The following RBFOX1 variants were observed in gnomAD, a reference collection of about 807,000 sequenced individuals.
RBFOX1 encodes RNA binding protein fox-1 homolog 1.
Under a neutral mutation model 57.7 loss-of-function variants are expected in RBFOX1, and 8 were observed. The observed-to-expected ratio is 0.14, with a 90% confidence interval of 0.08 to 0.25. The LOEUF (loss-of-function observed/expected upper bound fraction) is 0.25. Ranked by LOEUF, RBFOX1 falls within the 10% of genes least tolerant of loss-of-function variation. The pLI is 1.00. For synonymous variants in RBFOX1, 326 were observed against 222.4 expected, an observed-to-expected ratio of 1.47 and a Z score of -4.15; for missense variants, 611 against 548.5, an observed-to-expected ratio of 1.11 and a Z score of -1.14.
Position 7,229,742 on chromosome 16 carries a change from A to AGGGAGAAAGAGGAAGGAAGGGAGAGAGAG in RBFOX1, c.27+177645_27+177646insGGAGAAAGAGGAAGGAAGGGAGAGAGAGG, listed in dbSNP as rs1371622773. Among the ~76,000 whole-genome samples the AGGGAGAAAGAGGAAGGAAGGGAGAGAGAG allele has an allele frequency of 4.8e-5, 4 of 83,894 alleles. 1 individual carries two copies. Among genetic ancestry groups the AGGGAGAAAGAGGAAGGAAGGGAGAGAGAG allele is most frequent in the African/African-American group, 1.8e-4 (4 of 21,788 alleles). 55.0% of individuals were successfully genotyped at this position (83,894 alleles called of 152,430 possible). A position where few individuals can be genotyped will look rare whatever the true frequency, so the allele number is the denominator to read the frequency against. On this transcript the variant is annotated intron_variant, in intron 4 of 15. Coordinates refer to ENST00000550418, the MANE Select transcript of RBFOX1 (RefSeq NM_018723.4). ...AGAGGAAGCAAGGGAGGGAGGGGGA[A>AGGGAGAAAGAGGAAGGAAGGGAGAGAGAG]GAAGGAAGGGAGAGAGAGGGAGGAA...
At chr16:6,159,354 G>A (rs141324670) in intron 1 of RBFOX1, among the ~76,000 whole-genome samples, 1 of 152,192 alleles carries the variant, frequency 6.6e-6, no homozygotes, top group Non-Finnish European at 1.5e-5. Context: ...TGGGATTACA[G>A]GCGTGAGCCA....
chr16:6,978,578 A>C (rs1041664407), intron 3 of RBFOX1, among the ~76,000 whole-genome samples: 2 of 151,864 alleles, frequency 1.3e-5, no homozygotes, highest in Non-Finnish European at 1.5e-5. Context: ...TCTCCTTTCT[A>C]TATTCTGGGT....
intron 2 of RBFOX1, among the ~76,000 whole-genome samples, chr16:6,499,499 C>G (rs1246700414): frequency 1.3e-5 from 2 of 152,066 alleles, no homozygotes; most frequent in African/African-American, 4.8e-5. Context: ...GTAATAAGCA[C>G]AAGTAAAGCT....
chr16:6,643,383 A>T (rs935486681), intron 2 of RBFOX1, among the ~76,000 whole-genome samples: 7 of 151,432 alleles, frequency 4.6e-5, no homozygotes, highest in African/African-American at 1.2e-4. Flanking sequence ...CATGTATTCA[A>T]GTAAACTGAT....
intron 3 of RBFOX1, among the ~76,000 whole-genome samples, chr16:5,757,554 G>T: frequency 6.6e-6 from 1 of 152,224 alleles, no homozygotes; most frequent in East Asian, 1.9e-4. Flanking sequence ...TAATAGGCCA[G>T]CCTAGAAGAA....
intron 3 of RBFOX1, among the ~76,000 whole-genome samples, chr16:6,825,621 C>T (rs1302266186): frequency 6.6e-6 from 1 of 152,074 alleles, no homozygotes; most frequent in Non-Finnish European, 1.5e-5. Context: ...ACATCCTCTC[C>T]CTGGGAGTGG....
At chr16:6,852,196 C>G (rs1250886024) in intron 3 of RBFOX1, among the ~76,000 whole-genome samples, 2 of 152,112 alleles carry the variant, frequency 1.3e-5, no homozygotes, top group African/African-American at 2.4e-5. Context: ...TTTGATAGGG[C>G]TCTGCTTTCT....
At chr16:5,989,880 A>ACACACACACACACACACACACAC (rs33912010) in intron 4 of RBFOX1, among the ~76,000 whole-genome samples, 1 of 127,206 alleles carries the variant, frequency 7.9e-6, no homozygotes. Context: ...ACACACACAC[A>ACACACACACACACACACACACAC]CCACCCCTGT....
chr16:6,687,675 G>A (rs140476199), intron 3 of RBFOX1, among the ~76,000 whole-genome samples: 1 of 152,272 alleles, frequency 6.6e-6, no homozygotes, highest in Non-Finnish European at 1.5e-5. Flanking sequence ...TCATCTAGCT[G>A]TATTTATGTC....
chr16:7,408,303 A>C (rs1285512114), intron 4 of RBFOX1, among the ~76,000 whole-genome samples: 2 of 152,214 alleles, frequency 1.3e-5, no homozygotes, highest in Non-Finnish European at 2.9e-5. Context: ...AGTGACTTGT[A>C]GATGACAATA....
At chr16:6,974,234 C>T (rs998581441) in intron 3 of RBFOX1, among the ~76,000 whole-genome samples, 2 of 151,624 alleles carry the variant, frequency 1.3e-5, no homozygotes, top group East Asian at 3.9e-4. Flanking sequence ...ATAGTTGTAA[C>T]CCCTATGAAT....
chr16:7,642,001 G>T (rs2062893997), intron 11 of RBFOX1, among the ~76,000 whole-genome samples: 1 of 152,132 alleles, frequency 6.6e-6, no homozygotes, highest in Admixed American at 6.5e-5. Flanking sequence ...TATAGTCCTA[G>T]CTACTGGAAG....
intron 1 of RBFOX1, among the ~76,000 whole-genome samples, chr16:6,151,157 C>T (rs1266532722): frequency 6.6e-6 from 1 of 152,206 alleles, no homozygotes. Flanking sequence ...TCCTCCCTTA[C>T]TCTTCCTGTA....
At chr16:6,208,740 G>T (rs915563556) in intron 1 of RBFOX1, among the ~76,000 whole-genome samples, 1 of 152,180 alleles carries the variant, frequency 6.6e-6, no homozygotes, top group Admixed American at 6.5e-5. Flanking sequence ...ATGCATTTCT[G>T]GTTCTTCTTG....
chr16:5,744,425 T>C (rs1432858027), intron 3 of RBFOX1, among the ~76,000 whole-genome samples: 1 of 152,186 alleles, frequency 6.6e-6, no homozygotes, highest in Non-Finnish European at 1.5e-5. Flanking sequence ...GGCAGAATCC[T>C]TCTTTTCCGC....
At chr16:7,613,442 C>T (rs1346398966) in intron 10 of RBFOX1, among the ~76,000 whole-genome samples, 1 of 152,114 alleles carries the variant, frequency 6.6e-6, no homozygotes, top group Non-Finnish European at 1.5e-5. Context: ...ACCAAAGTCA[C>T]CTCGACTGAT....
chr16:6,487,733 ATATATATATATATATAT>A (rs1402781152), intron 2 of RBFOX1, among the ~76,000 whole-genome samples: 3,132 of 51,278 alleles, frequency 0.061, 217 homozygotes, highest in East Asian at 0.14. Flanking sequence ...ATATATATAT[ATATATATATATATATAT>A]ATATAAAATA....
At chr16:7,398,658 G>C (rs2098182953) in intron 4 of RBFOX1, among the ~76,000 whole-genome samples, 1 of 152,172 alleles carries the variant, frequency 6.6e-6, no homozygotes, top group South Asian at 2.1e-4. Flanking sequence ...AGGCAATTTT[G>C]AGCTTGAAAC....
At chr16:7,017,481 G>A (rs1472389012) in intron 3 of RBFOX1, among the ~76,000 whole-genome samples, 1 of 152,188 alleles carries the variant, frequency 6.6e-6, no homozygotes, top group African/African-American at 2.4e-5. Context: ...ACACATGCTT[G>A]TAAAATATAG....
Sources: allele counts gnomAD v4.1 joint callset (sites outside exome capture counted in the v4.1 genomes callset), GRCh38; gene constraint gnomAD v4.1.1; transcripts MANE v1.5; gene names NCBI Gene and HGNC (gene_info 2026-07-23, HGNC 2026-07-21).